Variants in CENPQ observed in about 807,000 individuals in gnomAD.
CENPQ encodes the protein centromere protein Q, also known as chromosome 6 open reading frame 139.
Under a neutral mutation model 36.6 loss-of-function variants are expected in CENPQ, and 27 were observed. That is an observed-to-expected ratio of 0.74 (90% CI 0.54 to 1.02). CENPQ has a LOEUF of 1.02. Among genes scored for constraint, CENPQ ranks in the 50% least tolerant of loss-of-function variants. The pLI is 0.00. For synonymous variants in CENPQ, 101 were observed against 101.7 expected (o/e 0.99, Z 0.04); for missense variants, 306 against 301.8 (o/e 1.01, Z -0.10).
At chr6:49,476,993 A>G (rs911353519) in intron 5 of CENPQ, among the ~76,000 whole-genome samples, 1 of 152,250 alleles carries the variant, frequency 6.6e-6, no homozygotes, top group Non-Finnish European at 1.5e-5. Context: ...TAGTTCAACC[A>G]TTGTGGAAGA....
At position 49,472,868 on chromosome 6, in the gene CENPQ, T is replaced by C. The variant is rs1473482181; in HGVS notation, c.347+10T>C. On this transcript the variant is annotated intron_variant, in intron 5 of 8. Transcript: ENST00000335783. ...ACTTCCTGAAGAAAAGGTAATACTA[T>C]TGCATAATTAAAATGATTAAAACAT... 10 of 1,386,594 alleles carry C rather than the reference T, an allele frequency of 7.2e-6. No individual in the cohort carries two copies. Among genetic ancestry groups the C allele is most frequent in the Middle Eastern group, 1.9e-4 (1 of 5,192 alleles). 85.9% of individuals were successfully genotyped at this position (1,386,594 alleles called of 1,614,324 possible). A position where few individuals can be genotyped will look rare whatever the true frequency, so the allele number is the denominator to read the frequency against.
intron 8 of CENPQ, among the ~76,000 whole-genome samples, chr6:49,491,172 A>G (rs560762720): frequency 6.6e-6 from 1 of 152,334 alleles, no homozygotes; most frequent in African/African-American, 2.4e-5. Flanking sequence ...TGAAAACATT[A>G]TGTCCTATTT....
chr6:49,471,944 C>A, intron 3 of CENPQ, 119 bp from the exon 4 acceptor site: 1 of 1,149,896 alleles, frequency 8.7e-7, no homozygotes, highest in Non-Finnish European at 1.2e-6. Flanking sequence ...GTTTATACAG[C>A]TTTATAATAT....
intron 5 of CENPQ, among the ~76,000 whole-genome samples, chr6:49,475,372 A>G (rs1197713966): frequency 6.6e-6 from 1 of 152,202 alleles, no homozygotes; most frequent in Non-Finnish European, 1.5e-5. Context: ...AAAATTCAAC[A>G]ACCCTTCATG....
Position 49,488,958 on chromosome 6 carries a change from G to T in CENPQ, c.675+274G>T, listed in dbSNP as rs368937911. Among the ~76,000 whole-genome samples, 6 of 152,100 alleles carry T rather than the reference G, an allele frequency of 3.9e-5. No homozygotes were observed. The South Asian group carries it at 6.2e-4, about 16-fold the overall frequency. On this transcript the variant is annotated intron_variant, in intron 8 of 8. Transcript: ENST00000335783. The stretch of plus-strand genomic sequence containing the variant: ...TAACAATCATCTGCACCTTCAGCAG[G>T]TCGTAATCTTTTTGCCAGTGGAGGG...
At chr6:49,472,023 C>T in intron 3 of CENPQ, 40 bp from the exon 4 acceptor site, 2 of 1,560,988 alleles carry the variant, frequency 1.3e-6, no homozygotes, top group Non-Finnish European at 1.7e-6. Context: ...ACATGTAAAA[C>T]ATCTAGATTG....
chr6:49,463,482 G>A (rs1581839848), intron 1 of CENPQ, 29 bp downstream of exon 1: 1 of 152,232 alleles, frequency 6.6e-6, no homozygotes, highest in African/African-American at 2.4e-5. Flanking sequence ...AACCGGCTGG[G>A]TGGATCTAAA....
Position 49,470,142 on chromosome 6 carries a change from T to C in CENPQ, c.-18-17T>C, listed in dbSNP as rs779594637. On this transcript the variant is annotated splice_polypyrimidine_tract_variant and intron_variant, in intron 1 of 8. Transcript: ENST00000335783. ...TTGTATTATTTTCATCTTTACAGAT[T>C]TTTTTTTTTTTCGAAGCACTGTGTT... is the stretch of plus-strand genomic sequence containing the variant. 2 of 748,522 alleles carry C rather than the reference T, an allele frequency of 2.7e-6. No homozygotes were observed. Among genetic ancestry groups the C allele is most frequent in the Non-Finnish European group, 3.9e-6 (2 of 519,194 alleles). 46.4% of individuals were successfully genotyped at this position (748,522 alleles called of 1,614,324 possible). A position where few individuals can be genotyped will look rare whatever the true frequency, so the allele number is the denominator to read the frequency against.
At chr6:49,469,039 G>A (rs1009857091) in intron 1 of CENPQ, among the ~76,000 whole-genome samples, 27 of 152,200 alleles carry the variant, frequency 1.8e-4, no homozygotes, top group African/African-American at 5.8e-4. Flanking sequence ...CAAGAGCAGG[G>A]TAAAGTGATA....
At chr6:49,477,835 A>G (rs547924640) in intron 5 of CENPQ, among the ~76,000 whole-genome samples, 1 of 152,322 alleles carries the variant, frequency 6.6e-6, no homozygotes, top group East Asian at 1.9e-4. Context: ...TTAAAGAAGG[A>G]AGAAGATATT....
chr6:49,466,630 C>T (rs1169124463), intron 1 of CENPQ, among the ~76,000 whole-genome samples: 1 of 152,134 alleles, frequency 6.6e-6, no homozygotes, highest in African/African-American at 2.4e-5. Context: ...AAGAATGGGA[C>T]AAAATACCTA....
At chr6:49,473,381 CTCTAGTATTTACACAACTTTTTCT>C (rs1323927263) in intron 5 of CENPQ, among the ~76,000 whole-genome samples, 12 of 152,094 alleles carry the variant, frequency 7.9e-5, no homozygotes, top group Non-Finnish European at 1.3e-4. Context: ...AATTACTTTT[CTCTAGTATTTACACAACTTTTTCT>C]TTTTATAAGA....
At chr6:49,482,549 G>T (rs1160242306) in intron 6 of CENPQ, among the ~76,000 whole-genome samples, 1 of 152,146 alleles carries the variant, frequency 6.6e-6, no homozygotes, top group Non-Finnish European at 1.5e-5. Context: ...TCGGTCCAGG[G>T]GTCCTCAGTA....
rs141676260 is a variant in CENPQ, at chr6:49,472,077, A to G, written c.172A>G (p.Thr58Ala). 5.3e-4 allele frequency: 856 copies of G among 1,612,546 alleles called. 6 individuals are homozygous for G. In the African/African-American group the frequency reaches 0.01, roughly 19 times the overall value. The change falls in exon 4 of 9, where the codon ACT becomes GCT. Residue 58 changes from threonine (T) to alanine (A), a missense_variant. By Grantham distance (58) the Thr-to-Ala change is moderately conservative. Transcript: ENST00000335783. ...ACTAACGACAGGACAAACAAAGCACACTAACCTAAAACACGGAAAGACAGC... is the reference window on the plus strand; with the variant it reads ...ACTAACGACAGGACAAACAAAGCACGCTAACCTAAAACACGGAAAGACAGC... Reference protein sequence around the residue: ...DLSSEGQTKHTNLKHGKTAAS... With the variant: ...DLSSEGQTKHANLKHGKTAAS...
At chr6:49,475,055 C>G (rs1768249952) in intron 5 of CENPQ, among the ~76,000 whole-genome samples, 1 of 152,144 alleles carries the variant, frequency 6.6e-6, no homozygotes, top group Admixed American at 6.5e-5. Flanking sequence ...CAGACAGATT[C>G]ACAGCCGAAT....
chr6:49,472,242 ATAT>A, intron 4 of CENPQ, 59 bp downstream of exon 4: 2 of 1,343,934 alleles, frequency 1.5e-6, no homozygotes, highest in South Asian at 3.4e-5. Flanking sequence ...TTTCCTATGG[ATAT>A]TATTCTTTTA....
rs1045488961 is a variant in CENPQ, at chr6:49,475,824, A to G, written c.347+2966A>G. Among the ~76,000 whole-genome samples the G allele has an allele frequency of 1.3e-3, 205 of 152,290 alleles. 2 individuals carry two copies. Among genetic ancestry groups the G allele is most frequent in the African/African-American group, 4.7e-3 (197 of 41,568 alleles). ...AATCATGAGTGAACTCCCATTCACA[A>G]TTGCTTCAAAGAGAATAAAATACCT... On this transcript the variant is annotated intron_variant, in intron 5 of 8. Transcript: ENST00000335783.
intron 5 of CENPQ, among the ~76,000 whole-genome samples, chr6:49,478,849 A>G (rs1243588366): frequency 6.6e-6 from 1 of 152,158 alleles, no homozygotes; most frequent in Non-Finnish European, 1.5e-5. Context: ...TATAGAAACA[A>G]TGTTATAAGT....
At chr6:49,491,993 A>G (rs893855167) in intron 8 of CENPQ, 151 bp from the exon 9 acceptor site, 4 of 621,898 alleles carry the variant, frequency 6.4e-6, no homozygotes, top group Non-Finnish European at 1.1e-5. Flanking sequence ...AGAGGGAGAG[A>G]TAGATTTGAA....
Sources: gnomAD v4.1 joint callset for allele counts (sites outside exome capture counted in the v4.1 genomes callset) on GRCh38, gnomAD v4.1.1 for gene constraint, MANE v1.5 for transcripts, NCBI Gene and HGNC (gene_info 2026-07-23, HGNC 2026-07-21) for gene names.